The following FLVCR1 variants were observed in gnomAD, a reference collection of about 807,000 sequenced individuals.
FLVCR1 encodes the protein choline/ethanolamine transporter FLVCR1.
FLVCR1 carries 34 observed loss-of-function variants against 53.6 expected under a neutral mutation model. The ratio of observed to expected loss-of-function variants is 0.63; its 90% confidence interval spans 0.48 to 0.84. The LOEUF (loss-of-function observed/expected upper bound fraction) is 0.84, where lower values mean the gene tolerates loss of function less well. Among genes scored for constraint, FLVCR1 ranks in the 40% least tolerant of loss-of-function variants. FLVCR1 has a pLI of 0.00. For synonymous variants in FLVCR1, 300 were observed against 286.3 expected, an observed-to-expected ratio of 1.05 and a Z score of -0.48; for missense variants, 677 against 696.7, an observed-to-expected ratio of 0.97 and a Z score of 0.32.
At chr1:212,860,161 C>A (rs144945823) in intron 1 of FLVCR1, among the ~76,000 whole-genome samples, 1 of 152,206 alleles carries the variant, frequency 6.6e-6, no homozygotes, top group African/African-American at 2.4e-5. Flanking sequence ...GTAATTCCAG[C>A]TACTCAGGTG....
intron 7 of FLVCR1, 93 bp downstream of exon 7, chr1:212,888,687 G>GTT (rs1572027330): frequency 9.6e-7 from 1 of 1,045,460 alleles, no homozygotes; most frequent in Non-Finnish European, 1.5e-6. Context: ...TGTTGTTGTT[G>GTT]TTGTTTTGTT....
intron 3 of FLVCR1, among the ~76,000 whole-genome samples, chr1:212,878,828 A>G (rs911688675): frequency 6.6e-6 from 1 of 152,010 alleles, no homozygotes; most frequent in African/African-American, 2.4e-5. Context: ...ATCTCTACAA[A>G]AAATACAAAA....
chr1:212,883,408 A>G lies in FLVCR1; in HGVS notation c.1062A>G (p.Leu354=), dbSNP rs753358647. The stretch of plus-strand genomic sequence containing the variant: ...GTGCCTTTTATTCAGTCTCAACGTT[A>G]TTAAATCAAATGATATTGACATATT... ...MTGAFYSVST[L]LNQMILTYYE... The change falls in exon 4 of 10, where the codon TTA becomes TTG. Residue 354 remains leucine, a synonymous_variant. Coordinates refer to ENST00000366971, the MANE Select transcript of FLVCR1 (RefSeq NM_014053.4). 4 of 1,582,706 alleles carry G rather than the reference A, an allele frequency of 2.5e-6. No homozygotes were observed. Among genetic ancestry groups the G allele is most frequent in the South Asian group, 1.1e-5 (1 of 89,960 alleles).
rs1258555366 is a variant in FLVCR1, at chr1:212,896,605, C to T, written c.*1315C>T. The T allele has an allele frequency of 4.6e-5, 7 of 151,996 alleles. No homozygotes were observed. The highest frequency in any genetic ancestry group is 8.8e-5 in the Non-Finnish European group (6 of 67,996). The allele number at this position is 151,996 out of a possible 1,614,324, so 9.4% of individuals were successfully genotyped here. On this transcript the variant is annotated 3_prime_UTR_variant, in exon 10 of 10. Transcript: ENST00000366971. ...CTTCATAGTAATGACATTTGATCAGCCATAAAATTTACATTATGTTCATAT... is the reference window on the plus strand; with the variant it reads ...CTTCATAGTAATGACATTTGATCAGTCATAAAATTTACATTATGTTCATAT...
intron 3 of FLVCR1, among the ~76,000 whole-genome samples, chr1:212,878,031 C>G (rs1000921427): frequency 2.0e-5 from 3 of 152,108 alleles, no homozygotes. Flanking sequence ...TGGACATTGC[C>G]TGTTTTTATA....
intron 1 of FLVCR1, among the ~76,000 whole-genome samples, chr1:212,863,329 C>T (rs1262083421): frequency 3.3e-5 from 5 of 152,150 alleles, no homozygotes; most frequent in African/African-American, 1.2e-4. Context: ...CAGTGGCTCA[C>T]GCCTGTAATC....
Position 212,889,191 on chromosome 1 carries a change from G to C in FLVCR1, c.1459G>C (p.Asp487His), listed in dbSNP as rs1411433587. ...FTLAQGKLTS[D>H]YGPKAGNIFL... is the part of the protein sequence containing the mutation. ...ATTGGCTCAAGGAAAGCTCACATCA[G>C]ACTATGGTCCTAAGGCAGGGAACAT... is the stretch of plus-strand genomic sequence containing the variant. The change falls in exon 8 of 10, where the codon GAC becomes CAC. Residue 487 changes from aspartate to histidine, a missense_variant. Coordinates refer to ENST00000366971, the MANE Select transcript of FLVCR1 (RefSeq NM_014053.4). The C allele has an allele frequency of 1.2e-6, 2 of 1,613,788 alleles. No homozygotes were observed. The highest frequency in any genetic ancestry group is 1.7e-6 in the Non-Finnish European group (2 of 1,179,860).
intron 8 of FLVCR1, 94 bp from the exon 9 acceptor site, chr1:212,894,892 A>G: frequency 1.2e-6 from 1 of 838,326 alleles, no homozygotes; most frequent in Admixed American, 1.7e-5. Context: ...ACTACAGTGC[A>G]TTAAATTTGA....
intron 3 of FLVCR1, among the ~76,000 whole-genome samples, chr1:212,875,608 C>G (rs182571991): frequency 1.3e-5 from 2 of 152,196 alleles, no homozygotes; most frequent in Non-Finnish European, 2.9e-5. Context: ...TTTGGGAGGC[C>G]AAGGTGGGTG....
chr1:212,892,207 A>G (rs888234837), intron 8 of FLVCR1, among the ~76,000 whole-genome samples: 4 of 152,252 alleles, frequency 2.6e-5, no homozygotes, highest in Non-Finnish European at 5.9e-5. Flanking sequence ...GAAGGTGGCT[A>G]CAATAAACCA....
Position 212,888,541 on chromosome 1 carries a change from A to T in FLVCR1, c.1360A>T (p.Thr454Ser), listed in dbSNP as rs1340950032. The T allele has an allele frequency of 6.2e-7, 1 of 1,613,952 alleles. No homozygotes were observed. Among genetic ancestry groups the T allele is most frequent in the Non-Finnish European group, 8.5e-7 (1 of 1,179,920 alleles). Residue 454 changes from threonine to serine, a missense_variant, in exon 7 of 10, where the codon ACT (threonine) becomes TCT (serine). Physicochemically the swap from Thr to Ser is moderately conservative, Grantham distance 58. Transcript: ENST00000366971. ...GGGTTTTGAATTTGCTGTTGAAATC[A>T]CTTACCCTGAATCTGAAGGTACTTC... ...PLGFEFAVEI[T>S]YPESEGTSSG... is the part of the protein sequence containing the mutation.
At chr1:212,870,906 A>G (rs1664575959) in intron 2 of FLVCR1, among the ~76,000 whole-genome samples, 1 of 152,142 alleles carries the variant, frequency 6.6e-6, no homozygotes, top group Admixed American at 6.5e-5. Flanking sequence ...CTGTAACTAC[A>G]GGCATGTGCC....
Position 212,858,450 on chromosome 1 carries a change from G to C in FLVCR1, c.-3G>C. 7.0e-7 allele frequency: 1 copy of C among 1,436,328 alleles called. No individual in the cohort carries two copies. Among genetic ancestry groups the C allele is most frequent in the Non-Finnish European group, 9.1e-7 (1 of 1,100,460 alleles). 89.0% of individuals were successfully genotyped at this position (1,436,328 alleles called of 1,614,324 possible). ...AGCGAGGTGGCGCCGGGGAGCCTGG[G>C]ATATGGCGCGGCCAGACGATGAGGA... On this transcript the variant is annotated 5_prime_UTR_variant, in exon 1 of 10. Transcript: ENST00000366971.
At chr1:212,868,997 T>C (rs1664524658) in intron 2 of FLVCR1, among the ~76,000 whole-genome samples, 2 of 152,218 alleles carry the variant, frequency 1.3e-5, no homozygotes, top group South Asian at 4.1e-4. Flanking sequence ...ATTCAAACAT[T>C]TATTTGTCTT....
At chr1:212,892,596 C>T (rs1665220207) in intron 8 of FLVCR1, among the ~76,000 whole-genome samples, 1 of 152,254 alleles carries the variant, frequency 6.6e-6, no homozygotes. Flanking sequence ...CCTGTTTACC[C>T]AAGAGCTCTG....
chr1:212,886,983 C>T (rs1288711503), intron 5 of FLVCR1, among the ~76,000 whole-genome samples: 7 of 151,980 alleles, frequency 4.6e-5, no homozygotes. Context: ...AAAACTTACC[C>T]CTGTACTTGG....
Position 212,889,217 on chromosome 1 carries a change from T to A in FLVCR1, c.1485T>A (p.Ile495=). 1.9e-6 allele frequency: 3 copies of A among 1,613,920 alleles called. 1 individual carries two copies. Among genetic ancestry groups the A allele is most frequent in the Middle Eastern group, 3.3e-4 (2 of 6,060 alleles). ...TSDYGPKAGN[I]FLCVWMFIGI... ...ACTATGGTCCTAAGGCAGGGAACATTTTTCTCTGTGTCTGGATGTTTATAG... is the reference window on the plus strand; with the variant it reads ...ACTATGGTCCTAAGGCAGGGAACATATTTCTCTGTGTCTGGATGTTTATAG... Residue 495 remains isoleucine (I), a synonymous_variant, in exon 8 of 10, where the codon ATT becomes ATA. Transcript: ENST00000366971.
intron 2 of FLVCR1, among the ~76,000 whole-genome samples, chr1:212,870,515 T>G (rs1418565746): frequency 3.3e-5 from 5 of 152,174 alleles, no homozygotes; most frequent in Non-Finnish European, 7.3e-5. Context: ...TCTCAAAATC[T>G]GTATTATTTT....
At chr1:212,864,078 A>T (rs1175443779) in intron 2 of FLVCR1, among the ~76,000 whole-genome samples, 1 of 152,136 alleles carries the variant, frequency 6.6e-6, no homozygotes, top group Non-Finnish European at 1.5e-5. Context: ...GGGTTTGAAG[A>T]CTAATTCATT....
Sources: allele counts gnomAD v4.1 joint callset (sites outside exome capture counted in the v4.1 genomes callset), GRCh38; gene constraint gnomAD v4.1.1; transcripts MANE v1.5; gene names NCBI Gene and HGNC (gene_info 2026-07-23, HGNC 2026-07-21).